HGFAC: variants seen among roughly 807,000 people sequenced by gnomAD.
The protein encoded by HGFAC is hepatocyte growth factor activator serine protease.
Under a neutral mutation model 70.6 loss-of-function variants are expected in HGFAC, and 76 were observed. The observed-to-expected ratio is 1.08, with a 90% CI of 0.89 to 1.30. HGFAC has a LOEUF of 1.30. Ranked by LOEUF, HGFAC falls within the 50% of genes most tolerant of loss-of-function variation. The pLI, the probability that HGFAC is intolerant of heterozygous loss-of-function variation, is 0.00. For missense variants in HGFAC, 1,044 were observed against 933.7 expected, an observed-to-expected ratio of 1.12 and a Z score of -1.54; for synonymous variants, 464 against 405.3, an observed-to-expected ratio of 1.14 and a Z score of -1.74.
rs755798844 is a variant in HGFAC at position 3,446,209 on chromosome 4, G to A, written c.1270G>A (p.Ala424Thr). 16 of 1,610,874 alleles carry A rather than the reference G, an allele frequency of 9.9e-6. No homozygotes were observed. In the East Asian group the frequency reaches 3.1e-4, roughly 31 times the overall value. Residue 424 changes from alanine to threonine, a missense_variant, in exon 10 of 14, where the codon GCC becomes ACC. Transcript: ENST00000382774. ...SLPGSHPWLA[A>T]IYIGDSFCAG... ...GCCCGGCTCGCACCCCTGGCTGGCC[G>A]CCATCTACATCGGGGACAGCTTCTG...
chr4:3,448,527 C>A (rs1228506728), intron 13 of HGFAC, among the ~76,000 whole-genome samples: 3 of 152,214 alleles, frequency 2.0e-5, no homozygotes, highest in African/African-American at 7.2e-5. Context: ...GCCTGGGGTC[C>A]CACAGAGCCC....
chr4:3,447,524 G>A lies in HGFAC; in HGVS notation c.1388G>A (p.Gly463Asp), dbSNP rs894948926. 6.8e-6 allele frequency: 11 copies of A among 1,612,656 alleles called. No individual in the cohort carries two copies. The highest frequency in any genetic ancestry group is 1.3e-5 in the African/African-American group (1 of 75,048). The change falls in exon 11 of 14, where the codon GGC becomes GAC. Residue 463 changes from glycine to aspartate, a missense_variant. Gly to Asp is a moderately conservative substitution (Grantham distance 94). Coordinates refer to ENST00000382774, the MANE Select transcript of HGFAC (RefSeq NM_001528.4). ...AGGGACAGCGTCTCCGTGGTGCTGG[G>A]CCAGCACTTCTTCAACCGCACGACG... ...PPRDSVSVVL[G>D]QHFFNRTTDV... is the part of the protein sequence containing the mutation.
chr4:3,446,585 TC>T lies in HGFAC; in HGVS notation c.1355+295del, dbSNP rs375990692. On this transcript the variant is annotated intron_variant, in intron 10 of 13. Coordinates refer to ENST00000382774, the MANE Select transcript of HGFAC (RefSeq NM_001528.4). ...GAGTGCAGTGGGCCAGGTCCTGTCC[TC>T]CCCGCAGGCCCCGCCCCTCCCAGAG... 5.5e-3 allele frequency among the ~76,000 whole-genome samples: 831 copies of T among 151,978 alleles called. 9 individuals carry two copies. The highest frequency in any genetic ancestry group is 9.5e-3 in the Non-Finnish European group (643 of 67,938).
rs114442504 is a variant in HGFAC at position 3,446,398 on chromosome 4, T to C, written c.1355+104T>C. 5.8e-3 allele frequency: 8,268 copies of C among 1,415,254 alleles called. 321 individuals carry two copies. The African/African-American group carries it at 0.092, about 16-fold the overall frequency. The allele number at this position is 1,415,254 out of a possible 1,614,324, so 87.7% of individuals were successfully genotyped here. A position where few individuals can be genotyped will look rare whatever the true frequency, so the allele number is the denominator to read the frequency against. On this transcript the variant is annotated intron_variant, in intron 10 of 13. Coordinates refer to ENST00000382774, the MANE Select transcript of HGFAC (RefSeq NM_001528.4). ...CGCTTGCGGACCCCATCCCGGTGCC[T>C]CTGCTGACCCCTTCCCGGGGTCCCC... is the stretch of plus-strand genomic sequence containing the variant.
At chr4:3,447,821 C>G in intron 11 of HGFAC, 74 bp from the exon 12 acceptor site, 1 of 1,573,954 alleles carries the variant, frequency 6.4e-7, no homozygotes, top group Non-Finnish European at 8.7e-7. Context: ...GCTACCCTCC[C>G]TCCACCACGG....
chr4:3,444,590 GC>G, intron 6 of HGFAC, 32 bp from the exon 7 acceptor site: 1 of 1,555,186 alleles, frequency 6.4e-7, no homozygotes, highest in East Asian at 2.3e-5. Context: ...GCACTGCGCG[GC>G]CCCTGGCCCA....
At chr4:3,445,793 A>T (rs2109299012) in intron 9 of HGFAC, 1 of 1,322,314 alleles carries the variant, frequency 7.6e-7, no homozygotes, top group East Asian at 2.5e-5. Context: ...CGGGCTGCTG[A>T]GGGGGCCACA....
intron 10 of HGFAC, among the ~76,000 whole-genome samples, chr4:3,446,579 C>T (rs1290888047): frequency 6.6e-6 from 1 of 152,098 alleles, no homozygotes; most frequent in East Asian, 1.9e-4. Context: ...GGGCCAGGTC[C>T]TGTCCTCCCC....
chr4:3,445,486 G>T, intron 9 of HGFAC, 136 bp downstream of exon 9: 2 of 708,934 alleles, frequency 2.8e-6, no homozygotes, highest in Non-Finnish European at 5.0e-6. Flanking sequence ...ACGGGATCAG[G>T]CTGGTCCAAG....
At position 3,444,805 on chromosome 4, in the gene HGFAC, C is replaced by A; in HGVS notation, c.842-14C>A. On this transcript the variant is annotated splice_polypyrimidine_tract_variant and intron_variant, in intron 7 of 13. Coordinates refer to ENST00000382774, the MANE Select transcript of HGFAC (RefSeq NM_001528.4). ...ACCCACCGTGGGCCGGCCTCACTGCCCCTCTGCCCGCAGAGCCTGATGAGC... is the reference window on the plus strand; with the variant it reads ...ACCCACCGTGGGCCGGCCTCACTGCACCTCTGCCCGCAGAGCCTGATGAGC... 1.3e-6 allele frequency: 2 copies of A among 1,586,302 alleles called. No individual in the cohort carries two copies. The highest frequency in any genetic ancestry group is 2.3e-5 in the East Asian group (1 of 44,216).
In HGFAC at chr4:3,445,271, G is replaced by T; in HGVS notation, c.1023G>T (p.Pro341=). 1 of 1,577,242 alleles carries T rather than the reference G, an allele frequency of 6.3e-7. No individual in the cohort carries two copies. Among genetic ancestry groups the T allele is most frequent in the South Asian group, 1.2e-5 (1 of 85,888 alleles). ...CCCCACTTATGCACCGCAGGAATCCGGACAATGACGAGAGGCCCTGGTGCT... is the reference window on the plus strand; with the variant it reads ...CCCCACTTATGCACCGCAGGAATCCTGACAATGACGAGAGGCCCTGGTGCT... ...GLGPHAYCRN[P]DNDERPWCYV... Residue 341 remains proline (P), a synonymous_variant, in exon 9 of 14, where the codon CCG becomes CCT. Transcript: ENST00000382774.
chr4:3,448,046 AG>A lies in HGFAC; in HGVS notation c.1636+17del, dbSNP rs1464748139. 3.3e-6 allele frequency: 5 copies of A among 1,537,544 alleles called. 1 individual carries two copies. Among genetic ancestry groups the A allele is most frequent in the Non-Finnish European group, 4.4e-6 (5 of 1,141,332 alleles). On this transcript the variant is annotated intron_variant, in intron 12 of 13. Coordinates refer to ENST00000382774, the MANE Select transcript of HGFAC (RefSeq NM_001528.4). The stretch of plus-strand genomic sequence containing the variant: ...GCCACTTGGATGAGAGTGAGTTGGG[AG>A]GGGGGCGCCCAGCGCCCCGCCAGGG...
At chr4:3,447,426 G>A (rs543761861) in intron 10 of HGFAC, 66 bp from the exon 11 acceptor site, 2 of 1,581,754 alleles carry the variant, frequency 1.3e-6, no homozygotes, top group East Asian at 2.2e-5. Context: ...GACAGGGGGT[G>A]GGGAGAGGTG....
rs994012440 is a variant in HGFAC, at chr4:3,445,672, C to T, written c.1102+322C>T. ...CAGCGTGCAGGCCCCCCAGAGGCCA[C>T]CTGCTTCCTGCCCTGGGGAGAGGCC... On this transcript the variant is annotated intron_variant, in intron 9 of 13. Transcript: ENST00000382774. The T allele has an allele frequency of 1.0e-4, 62 of 606,452 alleles. No individual in the cohort carries two copies. The Admixed American group carries it at 1.3e-3, about 13-fold the overall frequency. 37.6% of individuals were successfully genotyped at this position (606,452 alleles called of 1,614,324 possible). A position where few individuals can be genotyped will look rare whatever the true frequency, so the allele number is the denominator to read the frequency against.
At chr4:3,445,455 C>T (rs762510940) in intron 9 of HGFAC, 105 bp downstream of exon 9, 5 of 816,134 alleles carry the variant, frequency 6.1e-6, no homozygotes, top group Non-Finnish European at 1.0e-5. Flanking sequence ...GCATCTCTGA[C>T]AAATGGGGAA....
At chr4:3,442,967 G>T in intron 2 of HGFAC, 55 bp downstream of exon 2, 1 of 1,551,554 alleles carries the variant, frequency 6.4e-7, no homozygotes. Context: ...GGCTGGGTGG[G>T]AGGAGCATGG....
rs775804076 is a variant in HGFAC, at chr4:3,447,497, C to T, written c.1361C>T (p.Pro454Leu). 16 of 1,612,464 alleles carry T rather than the reference C, an allele frequency of 9.9e-6. No homozygotes were observed. The highest frequency in any genetic ancestry group is 1.3e-5 in the African/African-American group (1 of 74,922). The change falls in exon 11 of 14, where the codon CCC becomes CTC. Residue 454 changes from proline to leucine, a missense_variant. Pro to Leu is a moderately conservative substitution (Grantham distance 98). Coordinates refer to ENST00000382774, the MANE Select transcript of HGFAC (RefSeq NM_001528.4). ...CTCCAGCCCCCCTTGCACAGCCCCC[C>T]CAGGGACAGCGTCTCCGTGGTGCTG... ...SAAHCFSHSP[P>L]RDSVSVVLGQ...
chr4:3,444,843 G>T lies in HGFAC; in HGVS notation c.866G>T (p.Gly289Val). The T allele has an allele frequency of 4.4e-6, 7 of 1,600,970 alleles. No homozygotes were observed. The highest frequency in any genetic ancestry group is 6.0e-6 in the Non-Finnish European group (7 of 1,174,082). Residue 289 changes from glycine to valine, a missense_variant, in exon 8 of 14, where the codon GGG becomes GTG. Transcript: ENST00000382774. ...GAGCCTGATGAGCGCTGCTTCTTGGGGAACGGCACTGGGTACCGTGGCGTG... is the reference window on the plus strand; with the variant it reads ...GAGCCTGATGAGCGCTGCTTCTTGGTGAACGGCACTGGGTACCGTGGCGTG... ...NIEPDERCFL[G>V]NGTGYRGVAS...
Position 3,449,303 on chromosome 4 carries a change from TG to T in HGFAC, c.1856del (p.Gly619ValfsTer53), listed in dbSNP as rs1170135999. ...GGCTTACCTCTACGGCATCATCAGC[TG>T]GGGTGACGGCTGCGGGCGGCTCCAC... is the stretch of plus-strand genomic sequence containing the variant. ...GVAYLYGIISWGDGCGRLHKP... is the reference protein window; with the variant it reads ...GVAYLYGIISXGDGCGRLHKP... On this transcript the variant is annotated frameshift_variant, in exon 14 of 14. Coordinates refer to ENST00000382774, the MANE Select transcript of HGFAC (RefSeq NM_001528.4). LOFTEE classifies it low-confidence loss of function (END_TRUNC). 8.7e-6 allele frequency: 14 copies of T among 1,612,288 alleles called. No homozygotes were observed. The highest frequency in any genetic ancestry group is 1.3e-5 in the African/African-American group (1 of 74,864).
Sources: gnomAD v4.1 joint callset for allele counts (sites outside exome capture counted in the v4.1 genomes callset) on GRCh38, gnomAD v4.1.1 for gene constraint, MANE v1.5 for transcripts, NCBI Gene and HGNC (gene_info 2026-07-23, HGNC 2026-07-21) for gene names.